The following FAM20A variants were observed in gnomAD, a reference collection of about 807,000 sequenced individuals.
FAM20A encodes pseudokinase FAM20A.
FAM20A carries 42 observed loss-of-function variants against 52.0 expected under a neutral mutation model. The ratio of observed to expected loss-of-function variants is 0.81; its 90% CI spans 0.63 to 1.04. FAM20A has a LOEUF of 1.04. Among genes scored for constraint, FAM20A ranks in the 50% least tolerant of loss-of-function variants. The pLI, the probability that FAM20A is intolerant of heterozygous loss-of-function variation, is 0.00. For synonymous variants in FAM20A, 304 were observed against 298.9 expected, an observed-to-expected ratio of 1.02 and a Z score of -0.18; for missense variants, 742 against 712.7, an observed-to-expected ratio of 1.04 and a Z score of -0.47.
intron 1 of FAM20A, among the ~76,000 whole-genome samples, chr17:68,560,957 A>G (rs1041934376): frequency 1.3e-5 from 2 of 152,204 alleles, no homozygotes; most frequent in African/African-American, 4.8e-5. Context: ...TCCTCTGTTC[A>G]AGAGTCATTT....
At chr17:68,596,735 C>T (rs2088463686) in intron 1 of FAM20A, among the ~76,000 whole-genome samples, 1 of 152,218 alleles carries the variant, frequency 6.6e-6, no homozygotes, top group Non-Finnish European at 1.5e-5. Flanking sequence ...ATACAGGTGC[C>T]AAATGTGTCA....
In FAM20A at chr17:68,536,743, T is replaced by C. The variant is rs2086107705; in HGVS notation, c.*734A>G. On this transcript the variant is annotated 3_prime_UTR_variant, in exon 11 of 11. Transcript: ENST00000592554. ...ACCTTGGAGGACTTTCCTTTTTTTT[T>C]CCTTCGTTGTAATTATTTATTCTGT... The C allele has an allele frequency of 6.6e-6, 3 of 453,962 alleles. No individual in the cohort carries two copies. The highest frequency in any genetic ancestry group is 2.0e-5 in the African/African-American group (1 of 50,002). 28.1% of individuals were successfully genotyped at this position (453,962 alleles called of 1,614,324 possible).
At chr17:68,578,034 T>C (rs1161017139) in intron 1 of FAM20A, among the ~76,000 whole-genome samples, 2 of 151,974 alleles carry the variant, frequency 1.3e-5, no homozygotes, top group Non-Finnish European at 2.9e-5. Flanking sequence ...CGCACACTAT[T>C]AGCAAGTGAC....
rs576809894 is a variant in FAM20A, at chr17:68,573,496, TTC to T, written c.405-17755_405-17754del. On this transcript the variant is annotated intron_variant, in intron 1 of 10. Transcript: ENST00000592554. Reference sequence around the variant, plus strand: ...CTTTCTCTTTCTTTCTTTCCTTTCTTTCTCTCTCTTTCTCTTTTCCTTCTTTC... The same window carrying T: ...CTTTCTCTTTCTTTCTTTCCTTTCTTTCTCTCTTTCTCTTTTCCTTCTTTC... Among the ~76,000 whole-genome samples, 1,044 of 151,212 alleles carry T rather than the reference TTC, an allele frequency of 6.9e-3. 10 individuals carry two copies. Among genetic ancestry groups the T allele is most frequent in the Non-Finnish European group, 8.9e-3 (606 of 67,778 alleles).
rs2087694711 is a variant in FAM20A, at chr17:68,575,270, G to C, written c.405-19527C>G. 7 of 150,390 alleles carry C rather than the reference G, an allele frequency of 4.7e-5. No individual in the cohort carries two copies. In the Admixed American group the frequency reaches 4.7e-4, roughly 10 times the overall value. The allele number at this position is 150,390 out of a possible 1,614,324, so 9.3% of individuals were successfully genotyped here. On this transcript the variant is annotated intron_variant, in intron 1 of 10. Coordinates refer to ENST00000592554, the MANE Select transcript of FAM20A (RefSeq NM_017565.4). ...CTTTTACAAATATACAAGCAGGCCA[G>C]GCACAGTGGCTCATGCCTGTAATCT...
At chr17:68,558,447 A>G (rs1270107602) in intron 1 of FAM20A, 1 of 359,146 alleles carries the variant, frequency 2.8e-6, no homozygotes, top group African/African-American at 2.1e-5. Context: ...TCCCTCATGA[A>G]TGGCTTAGCA....
At chr17:68,556,663 C>T (rs1392171297) in intron 1 of FAM20A, among the ~76,000 whole-genome samples, 3 of 151,974 alleles carry the variant, frequency 2.0e-5, no homozygotes, top group East Asian at 1.9e-4. Flanking sequence ...AGGCAAGAAA[C>T]GGATGTATCT....
chr17:68,568,690 C>A (rs2087452007), intron 1 of FAM20A, among the ~76,000 whole-genome samples: 1 of 151,664 alleles, frequency 6.6e-6, no homozygotes. Context: ...CCACATCATG[C>A]TAATCTCTGC....
chr17:68,540,047 G>A (rs368303365), intron 8 of FAM20A, 81 bp from the exon 9 acceptor site: 10 of 1,225,814 alleles, frequency 8.2e-6, no homozygotes, highest in Non-Finnish European at 1.1e-5. Flanking sequence ...TCCAGGGAAC[G>A]GAGGCCTGTC....
chr17:68,575,398 T>TTA lies in FAM20A; in HGVS notation c.405-19657_405-19656dup, dbSNP rs200999609. Among the ~76,000 whole-genome samples, 62 of 133,610 alleles carry TTA rather than the reference T, an allele frequency of 4.6e-4. No individual in the cohort carries two copies. The East Asian group carries it at 9.7e-3, about 21-fold the overall frequency. The allele number at this position is 133,610 out of a possible 152,430, so 87.7% of individuals were successfully genotyped here. A position where few individuals can be genotyped will look rare whatever the true frequency, so the allele number is the denominator to read the frequency against. On this transcript the variant is annotated intron_variant, in intron 1 of 10. Coordinates refer to ENST00000592554, the MANE Select transcript of FAM20A (RefSeq NM_017565.4). ...TTTACTTTACATATATATATATATT[T>TTA]TATATATATATGTCTTCACTTTATA... is the stretch of plus-strand genomic sequence containing the variant.
At position 68,551,264 on chromosome 17, in the gene FAM20A, C is replaced by A. The variant is rs538654332; in HGVS notation, c.719+609G>T. 4.8e-5 allele frequency: 29 copies of A among 604,752 alleles called. No individual in the cohort carries two copies. The South Asian group carries it at 2.5e-3, about 52-fold the overall frequency. The allele number at this position is 604,752 out of a possible 1,614,324, so 37.5% of individuals were successfully genotyped here. On this transcript the variant is annotated intron_variant, in intron 4 of 10. Coordinates refer to ENST00000592554, the MANE Select transcript of FAM20A (RefSeq NM_017565.4). ...TCATCTCTATGTTTCACAAAATTTT[C>A]AAGGCATGTAGTTGCTGTTGTTATG...
At position 68,600,513 on chromosome 17, in the gene FAM20A, A is replaced by C. The variant is rs1477025044; in HGVS notation, c.154T>G (p.Ser52Ala). The change falls in exon 1 of 11, where the codon TCC becomes GCC. Residue 52 changes from serine to alanine, a missense_variant. By Grantham distance (99) the Ser-to-Ala change is moderately conservative (BLOSUM62 1). Coordinates refer to ENST00000592554, the MANE Select transcript of FAM20A (RefSeq NM_017565.4). This position sits in a 1 kb window ranked among gnomAD's most constrained non-coding sequence, Gnocchi z 6.2. ...RGCPCTGRAS[S>A]LARDSAAAAS... ...GCTGCGGCCGAGTCCCGCGCCAGGG[A>C]GGAGGCGCGGCCGGTGCACGGGCAC... 13 of 1,580,214 alleles carry C rather than the reference A, an allele frequency of 8.2e-6. No homozygotes were observed. The highest frequency in any genetic ancestry group is 8.6e-6 in the Non-Finnish European group (10 of 1,163,566).
At chr17:68,597,996 CTGT>C (rs1297213723) in intron 1 of FAM20A, 2 of 137,638 alleles carry the variant, frequency 1.5e-5, no homozygotes, top group African/African-American at 5.5e-5. Flanking sequence ...AATGAATCTT[CTGT>C]ATGGTTTTTT....
Position 68,554,049 on chromosome 17 carries a change from CATAT to C in FAM20A, c.640+724_640+727del, listed in dbSNP as rs1036516487. 2.5e-3 allele frequency among the ~76,000 whole-genome samples: 176 copies of C among 70,492 alleles called. 17 individuals are homozygous for C. Among genetic ancestry groups the C allele is most frequent in the Middle Eastern group, 0.01 (1 of 100 alleles). The allele number at this position is 70,492 out of a possible 152,430, so 46.2% of individuals were successfully genotyped here. A position where few individuals can be genotyped will look rare whatever the true frequency, so the allele number is the denominator to read the frequency against. On this transcript the variant is annotated intron_variant, in intron 3 of 10. Coordinates refer to ENST00000592554, the MANE Select transcript of FAM20A (RefSeq NM_017565.4). ...ATATATACACACATGCATATATACA[CATAT>C]ACACATATACACACATATACACACA...
chr17:68,552,223 A>G lies in FAM20A; in HGVS notation c.641-272T>C, dbSNP rs567354712. Among the ~76,000 whole-genome samples the G allele has an allele frequency of 1.1e-4, 17 of 152,046 alleles. No individual in the cohort carries two copies. The South Asian group carries it at 3.5e-3, about 32-fold the overall frequency. ...GGAGTTTGAAACCAGCCTGGGCAAC[A>G]TAGTGAGACCTCCATTTTGAAAAAA... On this transcript the variant is annotated intron_variant, in intron 3 of 10. Transcript: ENST00000592554.
At chr17:68,541,813 A>T in intron 7 of FAM20A, 172 bp downstream of exon 7, 2 of 721,806 alleles carry the variant, frequency 2.8e-6, no homozygotes, top group Non-Finnish European at 2.3e-6. Context: ...GAATAAATGA[A>T]CTAAAGGGGA....
Position 68,554,800 on chromosome 17 carries a change from A to C in FAM20A, c.617T>G (p.Leu206Arg). The change falls in exon 3 of 11, where the codon CTG becomes CGG. Residue 206 changes from leucine (L) to arginine (R), a missense_variant. Coordinates refer to ENST00000592554, the MANE Select transcript of FAM20A (RefSeq NM_017565.4). ...ACTCTGGGTGCAGTCACATGCCCCC[A>C]GCAAGGCTTTCTCATCTTGACTGTA... is the stretch of plus-strand genomic sequence containing the variant. ...ADYSQDEKAL[L>R]GACDCTQIVK... is the part of the protein sequence containing the mutation. 2 of 1,614,176 alleles carry C rather than the reference A, an allele frequency of 1.2e-6. No homozygotes were observed. The highest frequency in any genetic ancestry group is 1.1e-5 in the South Asian group (1 of 91,070).
In FAM20A at chr17:68,600,486, C is replaced by A; in HGVS notation, c.181G>T (p.Ala61Ser). The change falls in exon 1 of 11, where the codon GCC becomes TCC. Residue 61 changes from alanine to serine, a missense_variant. Coordinates refer to ENST00000592554, the MANE Select transcript of FAM20A (RefSeq NM_017565.4). The surrounding 1 kb of genome is among the most constrained non-coding windows in gnomAD (Gnocchi z 6.2). The stretch of plus-strand genomic sequence containing the variant: ...TGCACGATCGTGCCGGGGTCCGAGG[C>A]AGCTGCGGCCGAGTCCCGCGCCAGG... ...SSLARDSAAA[A>S]SDPGTIVHNF... 6.3e-7 allele frequency: 1 copy of A among 1,599,448 alleles called. No individual in the cohort carries two copies. The highest frequency in any genetic ancestry group is 8.5e-7 in the Non-Finnish European group (1 of 1,173,560).
rs2086138876 is a variant in FAM20A at position 68,537,802 on chromosome 17, C to T, written c.1362-61G>A. 6.5e-7 allele frequency: 1 copy of T among 1,542,986 alleles called. No individual in the cohort carries two copies. Among genetic ancestry groups the T allele is most frequent in the Admixed American group, 1.9e-5 (1 of 52,184 alleles). On this transcript the variant is annotated intron_variant, in intron 10 of 10. Transcript: ENST00000592554. The surrounding 1 kb of genome is among the most constrained non-coding windows in gnomAD (Gnocchi z 4.2). ...ATGTAAAGAAAATAACTTGCCTGAA[C>T]TTCTTTCCCCACAAACAGCTGTTGT...
Sources: allele counts gnomAD v4.1 joint callset (sites outside exome capture counted in the v4.1 genomes callset), GRCh38; gene constraint gnomAD v4.1.1; non-coding constraint Gnocchi (gnomAD v3.1); transcripts MANE v1.5; gene names NCBI Gene and HGNC (gene_info 2026-07-23, HGNC 2026-07-21).